CTNNA2: variants seen among roughly 807,000 people sequenced by gnomAD.
CTNNA2 encodes the protein catenin alpha 2.
A neutral mutation model predicts 101.0 loss-of-function variants in CTNNA2; 42 were observed. The ratio of observed to expected loss-of-function variants is 0.42; its 90% CI spans 0.32 to 0.54. The LOEUF is 0.54. CTNNA2 is among the 20% of genes least tolerant of loss of function. The pLI, the probability that CTNNA2 is intolerant of heterozygous loss-of-function variation, is 0.14. For missense variants in CTNNA2, 871 were observed against 1,223.1 expected (o/e 0.71, Z 4.29); for synonymous variants, 450 against 456.4 (o/e 0.99, Z 0.18).
intron 4 of CTNNA2, among the ~76,000 whole-genome samples, chr2:79,418,478 T>C (rs1678506863): frequency 6.6e-6 from 1 of 152,068 alleles, no homozygotes; most frequent in African/African-American, 2.4e-5. Flanking sequence ...TTAAATCAAA[T>C]CCTTTCACGC....
intron 7 of CTNNA2, among the ~76,000 whole-genome samples, chr2:80,250,647 G>C (rs529388137): frequency 3.9e-5 from 6 of 152,244 alleles, no homozygotes; most frequent in African/African-American, 1.4e-4. Flanking sequence ...GGAGAGGTTA[G>C]TAAGTGTCAT....
At chr2:80,376,084 A>C (rs1355600278) in intron 7 of CTNNA2, among the ~76,000 whole-genome samples, 2 of 152,156 alleles carry the variant, frequency 1.3e-5, no homozygotes, top group East Asian at 1.9e-4. Context: ...TCTTTGCCTT[A>C]AACTATAAAA....
At chr2:79,512,665 G>C (rs1671581984), upstream of CTNNA2, among the ~76,000 whole-genome samples, 1 of 151,648 alleles carries the variant, frequency 6.6e-6, no homozygotes, top group Non-Finnish European at 1.5e-5. Flanking sequence ...AGGGTAACGC[G>C]GTTGTCATGG....
chr2:79,282,517 T>C (rs1376635950), intron 2 of CTNNA2, among the ~76,000 whole-genome samples: 1 of 151,748 alleles, frequency 6.6e-6, no homozygotes. Flanking sequence ...GTCTGGTTTT[T>C]TGTTCTTGCG....
intron 7 of CTNNA2, among the ~76,000 whole-genome samples, chr2:80,166,991 A>G (rs1484985944): frequency 6.6e-6 from 1 of 152,038 alleles, no homozygotes; most frequent in Non-Finnish European, 1.5e-5. Context: ...CTGTCCTTCT[A>G]CAGATCCTGT....
At chr2:80,376,746 G>A (rs1321513683) in intron 7 of CTNNA2, among the ~76,000 whole-genome samples, 1 of 152,072 alleles carries the variant, frequency 6.6e-6, no homozygotes, top group East Asian at 1.9e-4. Context: ...ATCAGTGTGG[G>A]GCAGACATGG....
intron 9 of CTNNA2, among the ~76,000 whole-genome samples, chr2:80,535,332 T>A (rs1573173708): frequency 6.6e-6 from 1 of 152,194 alleles, no homozygotes; most frequent in African/African-American, 2.4e-5. Context: ...TGATCAATGA[T>A]TGGATAATGT....
chr2:80,291,147 A>G (rs987730949), intron 7 of CTNNA2, among the ~76,000 whole-genome samples: 10 of 152,354 alleles, frequency 6.6e-5, no homozygotes, highest in East Asian at 3.9e-4. Context: ...GACCAAAGAT[A>G]GTTTTTCCTC....
intron 3 of CTNNA2, among the ~76,000 whole-genome samples, chr2:79,783,304 A>G (rs1426911080): frequency 2.0e-5 from 3 of 152,176 alleles, no homozygotes; most frequent in Non-Finnish European, 4.4e-5. Context: ...CAATGGCAAT[A>G]AATAATGAGA....
At chr2:80,439,725 G>A (rs78322719) in intron 9 of CTNNA2, among the ~76,000 whole-genome samples, 3,024 of 152,168 alleles carry the variant, frequency 0.02, 49 homozygotes, top group Middle Eastern at 0.031. Flanking sequence ...ATTTTTATAC[G>A]TTTGTATTGT....
intron 18 of CTNNA2, among the ~76,000 whole-genome samples, chr2:80,640,182 C>T (rs758426018): frequency 6.6e-6 from 1 of 152,156 alleles, no homozygotes; most frequent in Non-Finnish European, 1.5e-5. Flanking sequence ...AATTCAAATA[C>T]AGAAGTCGTG....
chr2:79,434,052 G>A (rs938438821), intron 4 of CTNNA2, among the ~76,000 whole-genome samples: 1 of 152,122 alleles, frequency 6.6e-6, no homozygotes, highest in African/African-American at 2.4e-5. Flanking sequence ...CCAGCACTTT[G>A]GGAGACCAAG....
At chr2:79,914,027 C>T (rs552257585) in intron 7 of CTNNA2, among the ~76,000 whole-genome samples, 15 of 151,342 alleles carry the variant, frequency 9.9e-5, no homozygotes, top group African/African-American at 2.9e-4. Flanking sequence ...ATTAGCCGGG[C>T]GTAGTGGCGG....
chr2:79,599,006 C>T (rs754220723), intron 1 of CTNNA2, among the ~76,000 whole-genome samples: 21 of 152,076 alleles, frequency 1.4e-4, no homozygotes, highest in Non-Finnish European at 2.5e-4. Flanking sequence ...ATCTAGACCG[C>T]TTTTTTTAAT....
At chr2:79,556,471 A>G (rs143158742) in intron 1 of CTNNA2, among the ~76,000 whole-genome samples, 21 of 152,138 alleles carry the variant, frequency 1.4e-4, no homozygotes, top group African/African-American at 5.1e-4. Flanking sequence ...TGCCTTTTTC[A>G]TCTAGTTCAA....
chr2:79,762,824 G>A (rs1359433758), intron 3 of CTNNA2, among the ~76,000 whole-genome samples: 2 of 152,130 alleles, frequency 1.3e-5, no homozygotes, highest in African/African-American at 2.4e-5. Context: ...ATTTAGTTCT[G>A]TAAAGTTCTC....
intron 9 of CTNNA2, among the ~76,000 whole-genome samples, chr2:80,468,187 A>G (rs1685010541): frequency 6.6e-6 from 1 of 152,274 alleles, no homozygotes; most frequent in South Asian, 2.1e-4. Flanking sequence ...TGAAAAAGCC[A>G]AGAGTTATCA....
chr2:79,288,073 G>C (rs538604321), intron 2 of CTNNA2, among the ~76,000 whole-genome samples: 113 of 152,322 alleles, frequency 7.4e-4, no homozygotes, highest in African/African-American at 2.5e-3. Flanking sequence ...CCTTGCGCTT[G>C]CCAAGTGAGG....
chr2:80,122,723 A>G (rs2148880810), intron 7 of CTNNA2, among the ~76,000 whole-genome samples: 1 of 152,266 alleles, frequency 6.6e-6, no homozygotes, highest in South Asian at 2.1e-4. Flanking sequence ...AGGTATCGCC[A>G]TAGGTACCTA....
Sources: allele counts gnomAD v4.1 joint callset (sites outside exome capture counted in the v4.1 genomes callset), GRCh38; gene constraint gnomAD v4.1.1; transcripts MANE v1.5; gene names NCBI Gene and HGNC (gene_info 2026-07-23, HGNC 2026-07-21).